PDE4D: variants seen among roughly 807,000 people sequenced by gnomAD.
PDE4D encodes the protein phosphodiesterase 4D.
In PDE4D, 24 loss-of-function variants were observed where a neutral mutation model predicts 87.4. The observed-to-expected ratio is 0.27, with a 90% CI of 0.20 to 0.39. The LOEUF (loss-of-function observed/expected upper bound fraction) is 0.39, where lower values mean the gene tolerates loss of function less well. PDE4D is among the 10% of genes least tolerant of loss of function. The pLI is 1.00. For synonymous variants in PDE4D, 384 were observed against 383.2 expected, an observed-to-expected ratio of 1.00 and a Z score of -0.02; for missense variants, 714 against 1,041.0, an observed-to-expected ratio of 0.69 and a Z score of 4.32.
rs1379844237 is a variant in PDE4D, at chr5:58,971,346, A to C, written c.*3318T>G. ...GAAAAGAAAAATGTACAGAGTATGT[A>C]TACACACCATTCATTCTCTCACCAA... On this transcript the variant is annotated 3_prime_UTR_variant, in exon 15 of 15. Transcript: ENST00000340635. The C allele has an allele frequency of 6.6e-6, 1 of 152,648 alleles. No homozygotes were observed. The highest frequency in any genetic ancestry group is 1.9e-4 in the East Asian group (1 of 5,194). The allele number at this position is 152,648 out of a possible 1,614,324, so 9.5% of individuals were successfully genotyped here. A position where few individuals can be genotyped will look rare whatever the true frequency, so the allele number is the denominator to read the frequency against.
intron 6 of PDE4D, among the ~76,000 whole-genome samples, chr5:59,010,189 T>C (rs1259578403): frequency 6.6e-6 from 1 of 151,970 alleles, no homozygotes; most frequent in Non-Finnish European, 1.5e-5. Context: ...TAGCAGGGTG[T>C]GGTGGTGCAC....
chr5:60,137,405 A>T (rs1486047606), intron 2 of PDE4D, among the ~76,000 whole-genome samples: 1 of 152,204 alleles, frequency 6.6e-6, no homozygotes, highest in East Asian at 1.9e-4. Flanking sequence ...GAACTAATTT[A>T]CACTTTCACC....
intron 3 of PDE4D, among the ~76,000 whole-genome samples, chr5:59,923,463 A>C (rs1016818814): frequency 3.4e-4 from 51 of 152,194 alleles, no homozygotes; most frequent in Admixed American, 1.9e-3. Context: ...TGGTGGCCAC[A>C]AGGGTGCTAG....
intron 1 of PDE4D, among the ~76,000 whole-genome samples, chr5:60,238,933 G>A (rs13162631): frequency 0.012 from 1,795 of 151,978 alleles, 14 homozygotes; most frequent in Middle Eastern, 0.031. Flanking sequence ...TTTGCAATCA[G>A]GCCTTGGCGA....
intron 1 of PDE4D, among the ~76,000 whole-genome samples, chr5:59,633,284 G>A (rs1831807428): frequency 6.6e-6 from 1 of 152,168 alleles, no homozygotes; most frequent in East Asian, 1.9e-4. Flanking sequence ...AAAGAGATGG[G>A]AAGAATGAAA....
At chr5:59,832,470 C>G (rs1423749322) in intron 1 of PDE4D, among the ~76,000 whole-genome samples, 2 of 152,050 alleles carry the variant, frequency 1.3e-5, no homozygotes, top group Non-Finnish European at 2.9e-5. Flanking sequence ...ATTAGGATGT[C>G]AGTAGCAACA....
intron 1 of PDE4D, among the ~76,000 whole-genome samples, chr5:59,696,135 T>G (rs1196700269): frequency 6.6e-6 from 1 of 152,190 alleles, no homozygotes; most frequent in African/African-American, 2.4e-5. Context: ...CTGGTTTACA[T>G]GTATTATGCA....
At chr5:59,407,888 G>A (rs1791975184) in intron 1 of PDE4D, among the ~76,000 whole-genome samples, 1 of 152,162 alleles carries the variant, frequency 6.6e-6, no homozygotes, top group South Asian at 2.1e-4. Flanking sequence ...AGATGCAGAA[G>A]CAAAGAAATA....
intron 1 of PDE4D, among the ~76,000 whole-genome samples, chr5:59,800,555 C>A (rs1766999770): frequency 6.6e-6 from 1 of 152,060 alleles, no homozygotes; most frequent in Non-Finnish European, 1.5e-5. Context: ...ACATAAAATC[C>A]TTTAGAAAAG....
chr5:59,240,746 C>T (rs1235269706), intron 1 of PDE4D, among the ~76,000 whole-genome samples: 2 of 151,522 alleles, frequency 1.3e-5, no homozygotes, highest in African/African-American at 2.4e-5. Flanking sequence ...ACTTATAAAT[C>T]TTTGGAAATG....
At chr5:59,275,863 AG>A (rs1296368303) in intron 1 of PDE4D, 1 of 985,764 alleles carries the variant, frequency 1.0e-6, no homozygotes, top group African/African-American at 1.7e-5. Context: ...AGAGCTGTCA[AG>A]GAAGTTCCAT....
At chr5:60,454,632 A>C (rs545855651) in intron 1 of PDE4D, among the ~76,000 whole-genome samples, 2 of 152,188 alleles carry the variant, frequency 1.3e-5, no homozygotes, top group East Asian at 3.9e-4. Flanking sequence ...GGAACAATAC[A>C]CACCAGGGCA....
intron 1 of PDE4D, among the ~76,000 whole-genome samples, chr5:59,553,441 T>C (rs537629387): frequency 1.3e-5 from 2 of 152,316 alleles, no homozygotes; most frequent in South Asian, 4.1e-4. Context: ...AAGTAACTTT[T>C]CACTTTTAAC....
At chr5:60,487,795 G>A (rs2150230285) in intron 1 of PDE4D, 1 of 152,316 alleles carries the variant, frequency 6.6e-6, no homozygotes, top group Middle Eastern at 3.4e-3. Flanking sequence ...GAAGCTTTAA[G>A]ATTCATCGTC....
intron 1 of PDE4D, among the ~76,000 whole-genome samples, chr5:59,296,693 G>C (rs1769162847): frequency 6.6e-6 from 1 of 151,908 alleles, no homozygotes; most frequent in South Asian, 2.1e-4. Flanking sequence ...CAAGTCTCTT[G>C]GACCATGCTT....
intron 1 of PDE4D, among the ~76,000 whole-genome samples, chr5:59,860,531 T>C (rs1746108736): frequency 6.6e-6 from 1 of 152,208 alleles, no homozygotes; most frequent in Admixed American, 6.5e-5. Context: ...TGCTAATTGC[T>C]GAGCAGAATA....
At position 59,960,119 on chromosome 5, in the gene PDE4D, A is replaced by G. The variant is rs569019294; in HGVS notation, c.272+28369T>C. ...TATACTCAATATCACTAATCATCAG[A>G]GAAATGCAAATCAAAACCACAAGGA... On this transcript the variant is annotated intron_variant, in intron 3 of 16. Transcript: ENST00000502484. 2.2e-3 allele frequency among the ~76,000 whole-genome samples: 334 copies of G among 152,328 alleles called. 2 individuals are homozygous for G. Among genetic ancestry groups the G allele is most frequent in the African/African-American group, 7.8e-3 (325 of 41,582 alleles).
intron 1 of PDE4D, among the ~76,000 whole-genome samples, chr5:60,476,319 T>G (rs994592259): frequency 3.9e-5 from 6 of 152,214 alleles, no homozygotes; most frequent in Non-Finnish European, 8.8e-5. Flanking sequence ...TTGGCAGAAC[T>G]GATCACAGTA....
chr5:59,768,894 G>C (rs1011709557), intron 1 of PDE4D, among the ~76,000 whole-genome samples: 34 of 152,156 alleles, frequency 2.2e-4, no homozygotes, highest in African/African-American at 8.2e-4. Flanking sequence ...AAAAGTCCTG[G>C]GGGGAGGGCT....
Sources: gnomAD v4.1 joint callset for allele counts (sites outside exome capture counted in the v4.1 genomes callset) on GRCh38, gnomAD v4.1.1 for gene constraint, MANE v1.5 for transcripts, NCBI Gene and HGNC (gene_info 2026-07-23, HGNC 2026-07-21) for gene names.